NAA35: variants seen among roughly 807,000 people sequenced by gnomAD.
NAA35 encodes MAK10 homolog, amino-acid N-acetyltransferase subunit.
In NAA35, 18 loss-of-function variants were observed where a neutral mutation model predicts 101.7. The observed-to-expected ratio is 0.18, with a 90% CI of 0.12 to 0.26. The LOEUF is 0.26. Ranked by LOEUF, NAA35 falls within the 10% of genes least tolerant of loss-of-function variation. NAA35 has a pLI of 1.00. For synonymous variants in NAA35, 267 were observed against 273.1 expected, an observed-to-expected ratio of 0.98 and a Z score of 0.22; for missense variants, 601 against 886.8, an observed-to-expected ratio of 0.68 and a Z score of 4.09.
intron 6 of NAA35, among the ~76,000 whole-genome samples, chr9:85,968,621 A>G (rs1308607247): frequency 6.6e-6 from 1 of 151,860 alleles, no homozygotes; most frequent in Non-Finnish European, 1.5e-5. Flanking sequence ...ATGAGGAAAA[A>G]TAGTTCTCTG....
At chr9:85,991,944 G>A (rs1830931253) in intron 11 of NAA35, among the ~76,000 whole-genome samples, 1 of 152,148 alleles carries the variant, frequency 6.6e-6, no homozygotes, top group African/African-American at 2.4e-5. Context: ...GGAGGCCAAG[G>A]CAGGCGGATC....
Position 85,976,668 on chromosome 9 carries a change from CT to C in NAA35, c.628-11del. The C allele has an allele frequency of 1.9e-6, 3 of 1,555,348 alleles. No individual in the cohort carries two copies. The highest frequency in any genetic ancestry group is 1.4e-5 in the African/African-American group (1 of 71,704). ...TTTTTCAGGTTTGTGTTTAATTCACCTTTTTTAAAATTTTAGAGTACTCGAA... is the reference window on the plus strand; with the variant it reads ...TTTTTCAGGTTTGTGTTTAATTCACCTTTTTAAAATTTTAGAGTACTCGAA... On this transcript the variant is annotated splice_polypyrimidine_tract_variant and intron_variant, in intron 8 of 22. Coordinates refer to ENST00000361671, the MANE Select transcript of NAA35 (RefSeq NM_024635.4).
rs771091468 is a variant in NAA35, at chr9:85,956,344, C to CT, written c.125-15dup. The CT allele has an allele frequency of 5.8e-5, 77 of 1,336,392 alleles. No individual in the cohort carries two copies. The East Asian group carries it at 6.5e-4, about 11-fold the overall frequency. 82.8% of individuals were successfully genotyped at this position (1,336,392 alleles called of 1,614,324 possible). A position where few individuals can be genotyped will look rare whatever the true frequency, so the allele number is the denominator to read the frequency against. ...ATATAAATATGTTCAAAGGGTTTTT[C>CT]TCTTTTTTTTTTTAGAATTAAAGTT... is the stretch of plus-strand genomic sequence containing the variant. On this transcript the variant is annotated splice_polypyrimidine_tract_variant and intron_variant, in intron 2 of 22. Transcript: ENST00000361671.
At chr9:85,954,308 C>T (rs1292630101) in intron 2 of NAA35, among the ~76,000 whole-genome samples, 1 of 152,158 alleles carries the variant, frequency 6.6e-6, no homozygotes, top group African/African-American at 2.4e-5. Flanking sequence ...GTCTTGAACT[C>T]GCGGGCTTAG....
chr9:85,966,881 C>T (rs1199382796), intron 6 of NAA35, among the ~76,000 whole-genome samples: 1 of 152,126 alleles, frequency 6.6e-6, no homozygotes, highest in Non-Finnish European at 1.5e-5. Flanking sequence ...CCAAGATGGG[C>T]AGATCACCTG....
Position 86,020,621 on chromosome 9 carries a change from T to A in NAA35, c.2038-268T>A, listed in dbSNP as rs181812899. Among the ~76,000 whole-genome samples the A allele has an allele frequency of 2.8e-3, 429 of 152,042 alleles. 6 individuals carry two copies. The South Asian group carries it at 0.035, about 12-fold the overall frequency. On this transcript the variant is annotated intron_variant, in intron 21 of 22. Coordinates refer to ENST00000361671, the MANE Select transcript of NAA35 (RefSeq NM_024635.4). Reference sequence around the variant, plus strand: ...CACTTTGGGAGGCCAGGGTGGGAGGTCTGCTTGAACCCACGAGTTCAAGAC... The same window carrying A: ...CACTTTGGGAGGCCAGGGTGGGAGGACTGCTTGAACCCACGAGTTCAAGAC...
Position 85,952,593 on chromosome 9 carries a change from G to T in NAA35, c.125-3767G>T, listed in dbSNP as rs368395251. Among the ~76,000 whole-genome samples the T allele has an allele frequency of 7.3e-4, 111 of 151,616 alleles. 1 individual carries two copies. The highest frequency in any genetic ancestry group is 2.6e-3 in the African/African-American group (107 of 41,336). ...AGCCATTGTGCCTGGCTGTGCAAGT[G>T]TTTTTTTTCCCAAGACAACTATTTT... On this transcript the variant is annotated intron_variant, in intron 2 of 22. Coordinates refer to ENST00000361671, the MANE Select transcript of NAA35 (RefSeq NM_024635.4).
chr9:86,013,834 A>G lies in NAA35; in HGVS notation c.1505A>G (p.Gln502Arg), dbSNP rs1456209990. 21 of 1,614,002 alleles carry G rather than the reference A, an allele frequency of 1.3e-5. No individual in the cohort carries two copies. Among genetic ancestry groups the G allele is most frequent in the Non-Finnish European group, 1.6e-5 (19 of 1,179,966 alleles). The stretch of plus-strand genomic sequence containing the variant: ...TACCATAACCTTCGCATTATGATAC[A>G]GTACCTTCTAAGTGGCTTTGAATTG... ...VLYHNLRIMI[Q>R]YLLSGFELEL... Residue 502 changes from glutamine to arginine, a missense_variant, in exon 17 of 23, where the codon CAG becomes CGG. Transcript: ENST00000361671.
intron 2 of NAA35, among the ~76,000 whole-genome samples, chr9:85,951,664 T>G (rs563605911): frequency 1.3e-5 from 2 of 151,186 alleles, no homozygotes. Flanking sequence ...CTTCCAAAAA[T>G]TTTTTTTTTG....
intron 2 of NAA35, among the ~76,000 whole-genome samples, chr9:85,949,285 CT>C (rs1194734485): frequency 6.7e-6 from 1 of 149,674 alleles, no homozygotes; most frequent in South Asian, 2.1e-4. Context: ...CCCTATTTTT[CT>C]TTTTTTCTTT....
At chr9:85,989,594 A>G (rs934954982) in intron 11 of NAA35, among the ~76,000 whole-genome samples, 4 of 152,216 alleles carry the variant, frequency 2.6e-5, no homozygotes, top group South Asian at 2.1e-4. Flanking sequence ...AACTAGCAAG[A>G]ACTTGGAATA....
intron 6 of NAA35, among the ~76,000 whole-genome samples, chr9:85,972,436 A>AG (rs1446425994): frequency 1.6e-5 from 2 of 128,326 alleles, no homozygotes; most frequent in Non-Finnish European, 3.1e-5. Context: ...TTGAGCCCAG[A>AG]GCGGGGTGGA....
chr9:85,953,775 TCA>T (rs1472514282), intron 2 of NAA35, among the ~76,000 whole-genome samples: 1 of 152,178 alleles, frequency 6.6e-6, no homozygotes, highest in Admixed American at 6.5e-5. Context: ...TTAAATGGAC[TCA>T]CACAGTATTT....
At chr9:85,964,397 A>C (rs1416769155) in intron 6 of NAA35, among the ~76,000 whole-genome samples, 2 of 152,230 alleles carry the variant, frequency 1.3e-5, no homozygotes, top group African/African-American at 4.8e-5. Flanking sequence ...CTTCGAAGAA[A>C]AAGGGCACTG....
At chr9:86,010,231 G>A (rs965267712) in intron 15 of NAA35, among the ~76,000 whole-genome samples, 2 of 151,996 alleles carry the variant, frequency 1.3e-5, no homozygotes, top group East Asian at 1.9e-4. Flanking sequence ...GACAGAGTGA[G>A]ACTTTGTCTC....
At chr9:85,967,317 G>T (rs1223636044) in intron 6 of NAA35, among the ~76,000 whole-genome samples, 3 of 151,970 alleles carry the variant, frequency 2.0e-5, no homozygotes, top group Non-Finnish European at 4.4e-5. Context: ...ATGTCAAAAG[G>T]TTAAAAAAAG....
chr9:85,978,277 T>C lies in NAA35; in HGVS notation c.773T>C (p.Val258Ala). 6.2e-7 allele frequency: 1 copy of C among 1,609,302 alleles called. No individual in the cohort carries two copies. Among genetic ancestry groups the C allele is most frequent in the Non-Finnish European group, 8.5e-7 (1 of 1,175,776 alleles). ...TGATTTATTTGCTAGACCAGTGCTG[T>C]TGCAGAAGCTCAAAAATTGATGGTT... ...IAFTKKETSA[V>A]AEAQKLMVQA... The change falls in exon 11 of 23, where the codon GTT becomes GCT. Residue 258 changes from valine (V) to alanine (A), a missense_variant. By Grantham distance (64) the Val-to-Ala change is moderately conservative (BLOSUM62 0). Coordinates refer to ENST00000361671, the MANE Select transcript of NAA35 (RefSeq NM_024635.4).
intron 17 of NAA35, 31 bp from the exon 18 acceptor site, chr9:86,016,508 T>C: frequency 5.0e-6 from 8 of 1,599,344 alleles, no homozygotes; most frequent in South Asian, 4.5e-5. Context: ...TTTAGACATC[T>C]ACCATTAACT....
chr9:86,002,194 A>G (rs538955519), intron 12 of NAA35, among the ~76,000 whole-genome samples: 4 of 151,618 alleles, frequency 2.6e-5, no homozygotes, highest in Non-Finnish European at 2.9e-5. Context: ...TAGGACCCCA[A>G]TTTCTTCTTG....
Sources: gnomAD v4.1 joint callset for allele counts (sites outside exome capture counted in the v4.1 genomes callset) on GRCh38, gnomAD v4.1.1 for gene constraint, MANE v1.5 for transcripts, NCBI Gene and HGNC (gene_info 2026-07-23, HGNC 2026-07-21) for gene names.